The following SGCZ variants were observed in gnomAD, a reference collection of about 807,000 sequenced individuals.
SGCZ encodes zeta-sarcoglycan.
A neutral mutation model predicts 41.3 loss-of-function variants in SGCZ; 40 were observed. The observed-to-expected ratio is 0.97, with a 90% confidence interval of 0.75 to 1.26. The LOEUF (loss-of-function observed/expected upper bound fraction) is 1.26, where lower values mean the gene tolerates loss of function less well. SGCZ is among the 50% of genes most tolerant of loss of function. The pLI, the probability that SGCZ is intolerant of heterozygous loss-of-function variation, is 0.00. For missense variants in SGCZ, 552 were observed against 369.8 expected (o/e 1.49, Z -4.04); for synonymous variants, 206 against 137.5 (o/e 1.50, Z -3.49).
chr8:14,774,874 T>G lies in SGCZ; in HGVS notation c.40-219948A>C, dbSNP rs1216101054. 2.6e-5 allele frequency among the ~76,000 whole-genome samples: 4 copies of G among 152,298 alleles called. No individual in the cohort carries two copies. The South Asian group carries it at 6.2e-4, about 24-fold the overall frequency. ...GTTAACTAATTTACTACCTATTAAGTACTCATTTAATTACCTTACATGTAG... is the reference window on the plus strand; with the variant it reads ...GTTAACTAATTTACTACCTATTAAGGACTCATTTAATTACCTTACATGTAG... On this transcript the variant is annotated intron_variant, in intron 1 of 7. Transcript: ENST00000382080.
intron 4 of SGCZ, among the ~76,000 whole-genome samples, chr8:14,210,911 A>G (rs1482378866): frequency 6.6e-6 from 1 of 152,202 alleles, no homozygotes; most frequent in African/African-American, 2.4e-5. Context: ...TACTGTATTC[A>G]GTATTTTGCA....
intron 1 of SGCZ, among the ~76,000 whole-genome samples, chr8:14,613,155 G>A (rs1300500578): frequency 1.3e-5 from 2 of 152,162 alleles, no homozygotes; most frequent in Non-Finnish European, 2.9e-5. Flanking sequence ...CATGCTGAGT[G>A]GGGGCCCTCC....
chr8:14,428,950 A>AT (rs1799866925), intron 2 of SGCZ, among the ~76,000 whole-genome samples: 1 of 152,140 alleles, frequency 6.6e-6, no homozygotes, highest in South Asian at 2.1e-4. Context: ...TATGGCCCTT[A>AT]TTTTAGTGCA....
chr8:14,135,842 G>C (rs1455247372), intron 5 of SGCZ, among the ~76,000 whole-genome samples: 1 of 151,798 alleles, frequency 6.6e-6, no homozygotes, highest in Admixed American at 6.6e-5. Flanking sequence ...ACCAAAATCA[G>C]ACCAAAAAAC....
At chr8:14,385,444 T>A (rs915630260) in intron 2 of SGCZ, among the ~76,000 whole-genome samples, 1 of 152,196 alleles carries the variant, frequency 6.6e-6, no homozygotes, top group East Asian at 1.9e-4. Context: ...ATTATAATGA[T>A]GCCCTCACTG....
intron 5 of SGCZ, among the ~76,000 whole-genome samples, chr8:14,123,494 A>T (rs567935926): frequency 3.9e-5 from 6 of 152,136 alleles, no homozygotes; most frequent in Non-Finnish European, 8.8e-5. Context: ...TCATTCTTAA[A>T]TATCATCCAT....
At chr8:14,995,885 C>T (rs13251088) in intron 1 of SGCZ, among the ~76,000 whole-genome samples, 57,260 of 151,880 alleles carry the variant, frequency 0.38, 11,130 homozygotes, top group South Asian at 0.43. Flanking sequence ...TTTCTTACCT[C>T]TTAAGAGGTC....
At chr8:14,676,427 G>A (rs1808281663) in intron 1 of SGCZ, among the ~76,000 whole-genome samples, 2 of 151,838 alleles carry the variant, frequency 1.3e-5, no homozygotes, top group Admixed American at 6.6e-5. Context: ...GCTGAGACAG[G>A]AGGATCACTT....
chr8:15,029,975 A>G (rs1466214271), intron 1 of SGCZ, among the ~76,000 whole-genome samples: 1 of 152,186 alleles, frequency 6.6e-6, no homozygotes, highest in Non-Finnish European at 1.5e-5. Flanking sequence ...TAATTCAACA[A>G]AAGTCCCAAG....
intron 3 of SGCZ, among the ~76,000 whole-genome samples, chr8:14,285,262 C>A (rs1043756706): frequency 2.0e-5 from 3 of 152,130 alleles, no homozygotes; most frequent in African/African-American, 4.8e-5. Flanking sequence ...TAGTCTTAGT[C>A]TTGTAACCTC....
chr8:14,768,358 A>G (rs184032802), intron 1 of SGCZ, among the ~76,000 whole-genome samples: 87 of 152,332 alleles, frequency 5.7e-4, no homozygotes, highest in African/African-American at 1.9e-3. Context: ...CTGAGTTTCC[A>G]TGTTGCGTCC....
chr8:14,246,752 A>C (rs1305120663), intron 3 of SGCZ, among the ~76,000 whole-genome samples: 1 of 151,722 alleles, frequency 6.6e-6, no homozygotes. Context: ...CTAAAAATAC[A>C]ATAAGAAATT....
intron 1 of SGCZ, among the ~76,000 whole-genome samples, chr8:14,945,755 CCTT>C (rs1398590131): frequency 6.6e-6 from 1 of 151,438 alleles, no homozygotes. Flanking sequence ...GCTGGGACAT[CCTT>C]CTTCTGCCCT....
intron 2 of SGCZ, among the ~76,000 whole-genome samples, chr8:14,353,715 C>G (rs1216887228): frequency 6.6e-6 from 1 of 152,058 alleles, no homozygotes; most frequent in Non-Finnish European, 1.5e-5. Context: ...CTTCCTGTGT[C>G]TCTTCTTCTG....
At chr8:14,456,833 G>A (rs1463706066) in intron 2 of SGCZ, among the ~76,000 whole-genome samples, 1 of 152,138 alleles carries the variant, frequency 6.6e-6, no homozygotes, top group African/African-American at 2.4e-5. Context: ...TGCTGTCTTT[G>A]TGATAGTGAC....
chr8:15,145,178 T>C (rs1334201716), intron 1 of SGCZ, among the ~76,000 whole-genome samples: 1 of 152,212 alleles, frequency 6.6e-6, no homozygotes, highest in African/African-American at 2.4e-5. Context: ...AACTAATTCT[T>C]TACGATTCTG....
chr8:14,757,221 GT>G, intron 1 of SGCZ, among the ~76,000 whole-genome samples: 1 of 152,194 alleles, frequency 6.6e-6, no homozygotes, highest in East Asian at 1.9e-4. Context: ...GCTAATGTTT[GT>G]ATTCTTAGTA....
chr8:14,545,101 A>G (rs1396943458), intron 2 of SGCZ, among the ~76,000 whole-genome samples: 2 of 151,986 alleles, frequency 1.3e-5, no homozygotes, highest in Admixed American at 6.6e-5. Context: ...GTCTCTCTTT[A>G]TTTCTCAGCC....
At chr8:14,826,611 T>C (rs531240857) in intron 1 of SGCZ, among the ~76,000 whole-genome samples, 1 of 152,298 alleles carries the variant, frequency 6.6e-6, no homozygotes, top group South Asian at 2.1e-4. Context: ...TCCTGACTTT[T>C]TAATGATCGC....
Sources: allele counts gnomAD v4.1 joint callset (sites outside exome capture counted in the v4.1 genomes callset), GRCh38; gene constraint gnomAD v4.1.1; transcripts MANE v1.5; gene names NCBI Gene and HGNC (gene_info 2026-07-23, HGNC 2026-07-21).